Variants in GLS observed in about 807,000 individuals in gnomAD.
The protein encoded by GLS is glutaminase, also known as glutaminase kidney isoform, mitochondrial.
Under a neutral mutation model 86.7 loss-of-function variants are expected in GLS, and 36 were observed. The ratio of observed to expected loss-of-function variants is 0.42; its 90% CI spans 0.32 to 0.55. The LOEUF is 0.55. GLS is among the 20% of genes least tolerant of loss of function. The pLI is 0.17. For synonymous variants in GLS, 317 were observed against 305.9 expected (o/e 1.04, Z -0.38); for missense variants, 528 against 833.4 (o/e 0.63, Z 4.51).
At position 190,921,556 on chromosome 2, in the gene GLS, T is replaced by C. The variant is rs990070817; in HGVS notation, c.1130+353T>C. Among the ~76,000 whole-genome samples the C allele has an allele frequency of 2.0e-5, 3 of 152,030 alleles. No homozygotes were observed. The highest frequency in any genetic ancestry group is 7.2e-5 in the African/African-American group (3 of 41,448). ...AAAATAAATATCTGGAATCTTTTACTTATATTTTCTAATATTTTGTCTTAC... is the reference window on the plus strand; with the variant it reads ...AAAATAAATATCTGGAATCTTTTACCTATATTTTCTAATATTTTGTCTTAC... On this transcript the variant is annotated intron_variant, in intron 9 of 17. Coordinates refer to ENST00000320717, the MANE Select transcript of GLS (RefSeq NM_014905.5). This position sits in a 1 kb window ranked among gnomAD's most constrained non-coding sequence, Gnocchi z 4.2.
chr2:190,910,992 A>G (rs538498194), intron 7 of GLS, among the ~76,000 whole-genome samples: 2 of 150,850 alleles, frequency 1.3e-5, no homozygotes, highest in South Asian at 2.1e-4. Context: ...GTATTTTAAA[A>G]TAAGTATTTG....
At chr2:190,923,461 A>G (rs772705263) in intron 9 of GLS, among the ~76,000 whole-genome samples, 16 of 152,162 alleles carry the variant, frequency 1.1e-4, no homozygotes, top group Middle Eastern at 3.2e-3. Flanking sequence ...CCTGAAATCT[A>G]TTAGTCCATT....
At position 190,956,383 on chromosome 2, in the gene GLS, G is replaced by T. The variant is rs1351229515; in HGVS notation, c.1853+1565G>T. ...ATACCTTTCCCCATTGCTTGTTTTTGTCAGGTTTGTCAAAGATCAGATGGT... is the reference window on the plus strand; with the variant it reads ...ATACCTTTCCCCATTGCTTGTTTTTTTCAGGTTTGTCAAAGATCAGATGGT... On this transcript the variant is annotated intron_variant, in intron 17 of 17. Transcript: ENST00000320717. The surrounding 1 kb of genome is among the most constrained non-coding windows in gnomAD (Gnocchi z 4.2). 6.6e-6 allele frequency among the ~76,000 whole-genome samples: 1 copy of T among 152,014 alleles called. No homozygotes were observed.
At position 190,921,081 on chromosome 2, in the gene GLS, T is replaced by C; in HGVS notation, c.1071+25T>C. The C allele has an allele frequency of 1.9e-6, 3 of 1,585,076 alleles. No individual in the cohort carries two copies. The highest frequency in any genetic ancestry group is 2.6e-6 in the Non-Finnish European group (3 of 1,154,246). On this transcript the variant is annotated intron_variant, in intron 8 of 17. Transcript: ENST00000320717. This position sits in a 1 kb window ranked among gnomAD's most constrained non-coding sequence, Gnocchi z 4.2. Reference sequence around the variant, plus strand: ...TGTAAGTGCAACATGTCATTCAGTTTTCATGCCACATTCTCTATATATTTG... The same window carrying C: ...TGTAAGTGCAACATGTCATTCAGTTCTCATGCCACATTCTCTATATATTTG...
At chr2:190,909,475 C>A (rs944145841) in intron 6 of GLS, among the ~76,000 whole-genome samples, 1 of 152,268 alleles carries the variant, frequency 6.6e-6, no homozygotes, top group African/African-American at 2.4e-5. Context: ...CCTTCTCCCC[C>A]CTCCCCCACT....
intron 4 of GLS, 139 bp downstream of exon 4, chr2:190,900,832 C>T (rs573704808): frequency 1.9e-6 from 1 of 522,216 alleles, no homozygotes; most frequent in African/African-American, 2.0e-5. Flanking sequence ...TTAAGTGAAG[C>T]CACTGGATTT....
intron 7 of GLS, among the ~76,000 whole-genome samples, chr2:190,918,258 A>G (rs941612623): frequency 6.6e-6 from 1 of 152,218 alleles, no homozygotes; most frequent in African/African-American, 2.4e-5. Flanking sequence ...AGTCACCTTC[A>G]TCACTGAAGT....
At position 190,921,012 on chromosome 2, in the gene GLS, AT is replaced by A; in HGVS notation, c.1039-5del. ...CTATATTAACGTATTTATGTCTCTT[AT>A]TTTTTTGCAGCAAGGAGTAAATAAT... On this transcript the variant is annotated splice_polypyrimidine_tract_variant and intron_variant, in intron 7 of 17. Coordinates refer to ENST00000320717, the MANE Select transcript of GLS (RefSeq NM_014905.5). This position sits in a 1 kb window ranked among gnomAD's most constrained non-coding sequence, Gnocchi z 4.2. 2.2e-5 allele frequency: 32 copies of A among 1,475,172 alleles called. No homozygotes were observed. The highest frequency in any genetic ancestry group is 2.5e-5 in the Non-Finnish European group (26 of 1,055,824). The allele number at this position is 1,475,172 out of a possible 1,614,324, so 91.4% of individuals were successfully genotyped here.
intron 7 of GLS, among the ~76,000 whole-genome samples, chr2:190,916,103 A>G (rs1009238984): frequency 2.0e-5 from 3 of 152,238 alleles, no homozygotes; most frequent in African/African-American, 7.2e-5. Flanking sequence ...AGTTCATTCT[A>G]GCAATAGAAG....
intron 9 of GLS, among the ~76,000 whole-genome samples, chr2:190,922,727 A>G (rs1689782356): frequency 2.0e-5 from 3 of 152,238 alleles, no homozygotes; most frequent in Admixed American, 1.3e-4. Context: ...CGGCAAATTG[A>G]TAAGAATTTG....
chr2:190,880,903 G>GCAGCAGCAGCAGCAGCAC lies in GLS; in HGVS notation c.-180_-163dup. On this transcript the variant is annotated 5_prime_UTR_variant, in exon 1 of 18. Coordinates refer to ENST00000320717, the MANE Select transcript of GLS (RefSeq NM_014905.5). ...AGCAGCAGCAGCAGCAGCAGCAGCA[G>GCAGCAGCAGCAGCAGCAC]CAGCAGCAGCAGCAGCACCCGCATC... The GCAGCAGCAGCAGCAGCAC allele has an allele frequency of 1.3e-6, 1 of 785,686 alleles. No individual in the cohort carries two copies. Among genetic ancestry groups the GCAGCAGCAGCAGCAGCAC allele is most frequent in the Non-Finnish European group, 1.9e-6 (1 of 514,568 alleles). The allele number at this position is 785,686 out of a possible 1,614,324, so 48.7% of individuals were successfully genotyped here. A position where few individuals can be genotyped will look rare whatever the true frequency, so the allele number is the denominator to read the frequency against.
rs536205722 is a variant in GLS, at chr2:190,965,017, T to C, written c.*2031T>C. On this transcript the variant is annotated 3_prime_UTR_variant, in exon 18 of 18. Transcript: ENST00000320717. This position sits in a 1 kb window ranked among gnomAD's most constrained non-coding sequence, Gnocchi z 5.0. ...AATTAAATGTGCCGTTATTTACCCC[T>C]GATGTTATTTATGACTATGTGCCGA... is the stretch of plus-strand genomic sequence containing the variant. The C allele has an allele frequency of 6.6e-6, 1 of 152,176 alleles. No homozygotes were observed. Among genetic ancestry groups the C allele is most frequent in the South Asian group, 2.1e-4 (1 of 4,824 alleles). The allele number at this position is 152,176 out of a possible 1,614,324, so 9.4% of individuals were successfully genotyped here.
chr2:190,904,054 C>T (rs1386333559), intron 5 of GLS, among the ~76,000 whole-genome samples: 1 of 151,880 alleles, frequency 6.6e-6, no homozygotes, highest in Non-Finnish European at 1.5e-5. Flanking sequence ...TAATATAAAG[C>T]TTTCTTTTTG....
In GLS at chr2:190,964,904, TAAAA is replaced by T. The variant is rs1253079200; in HGVS notation, c.*1920_*1923del. The T allele has an allele frequency of 6.6e-6, 1 of 152,210 alleles. No homozygotes were observed. Among genetic ancestry groups the T allele is most frequent in the Non-Finnish European group, 1.5e-5 (1 of 68,024 alleles). The allele number at this position is 152,210 out of a possible 1,614,324, so 9.4% of individuals were successfully genotyped here. ...CAATGATTTTGAGGCTTTTCTATAA[TAAAA>T]AGAGGTTCTAACCATTATTTGGGAA... is the stretch of plus-strand genomic sequence containing the variant. On this transcript the variant is annotated 3_prime_UTR_variant, in exon 18 of 18. Coordinates refer to ENST00000320717, the MANE Select transcript of GLS (RefSeq NM_014905.5). The surrounding 1 kb of genome is among the most constrained non-coding windows in gnomAD (Gnocchi z 5.2).
In GLS at chr2:190,921,332, T is replaced by C. The variant is rs995081094; in HGVS notation, c.1130+129T>C. ...CTGACAGAAACACTTAAAAATACTT[T>C]AAATAGTTTTGACAAATTTCTTACA... is the stretch of plus-strand genomic sequence containing the variant. On this transcript the variant is annotated intron_variant, in intron 9 of 17. Coordinates refer to ENST00000320717, the MANE Select transcript of GLS (RefSeq NM_014905.5). This position sits in a 1 kb window ranked among gnomAD's most constrained non-coding sequence, Gnocchi z 4.2. 4 of 707,588 alleles carry C rather than the reference T, an allele frequency of 5.7e-6. No homozygotes were observed. The highest frequency in any genetic ancestry group is 3.6e-5 in the African/African-American group (2 of 55,992). The allele number at this position is 707,588 out of a possible 1,614,324, so 43.8% of individuals were successfully genotyped here.
rs1211481474 is a variant in GLS, at chr2:190,897,904, CTT to C, written c.605+2185_605+2186del. On this transcript the variant is annotated intron_variant, in intron 3 of 17. Transcript: ENST00000320717. The surrounding 1 kb of genome is among the most constrained non-coding windows in gnomAD (Gnocchi z 4.3). ...AATCTGAGAAAACTATTATGTGTGA[CTT>C]TTTTTAACTTGGGAAAATACGTTCT... Among the ~76,000 whole-genome samples the C allele has an allele frequency of 6.6e-6, 1 of 152,088 alleles. No homozygotes were observed. Among genetic ancestry groups the C allele is most frequent in the Non-Finnish European group, 1.5e-5 (1 of 68,004 alleles).
At chr2:190,959,277 A>G (rs919539391) in intron 17 of GLS, among the ~76,000 whole-genome samples, 2 of 145,920 alleles carry the variant, frequency 1.4e-5, no homozygotes, top group African/African-American at 5.1e-5. Context: ...TTTGCTTGGT[A>G]AATATTCCCC....
chr2:190,924,676 G>C lies in GLS; in HGVS notation c.1248+83G>C. On this transcript the variant is annotated intron_variant, in intron 11 of 17. Transcript: ENST00000320717. The surrounding 1 kb of genome is among the most constrained non-coding windows in gnomAD (Gnocchi z 5.2). Reference sequence around the variant, plus strand: ...TCACGCCTGTAATCCCAGCACTTTGGGAGGCCAGGGCAGGTGGATCATGAG... The same window carrying C: ...TCACGCCTGTAATCCCAGCACTTTGCGAGGCCAGGGCAGGTGGATCATGAG... 1.3e-6 allele frequency: 1 copy of C among 767,490 alleles called. No homozygotes were observed. The highest frequency in any genetic ancestry group is 2.3e-6 in the Non-Finnish European group (1 of 425,776). 47.5% of individuals were successfully genotyped at this position (767,490 alleles called of 1,614,324 possible). A position where few individuals can be genotyped will look rare whatever the true frequency, so the allele number is the denominator to read the frequency against.
chr2:190,933,829 A>G (rs553813954), intron 14 of GLS: 3 of 705,076 alleles, frequency 4.3e-6, no homozygotes, highest in Non-Finnish European at 5.2e-6. Flanking sequence ...AGTTTGTTCT[A>G]TTTGAAGTTT....
Sources: allele counts gnomAD v4.1 joint callset (sites outside exome capture counted in the v4.1 genomes callset), GRCh38; gene constraint gnomAD v4.1.1; non-coding constraint Gnocchi (gnomAD v3.1); transcripts MANE v1.5; gene names NCBI Gene and HGNC (gene_info 2026-07-23, HGNC 2026-07-21).